PRRT4: variants seen among roughly 807,000 people sequenced by gnomAD.
The protein encoded by PRRT4 is proline rich transmembrane protein 4.
In PRRT4, 59 loss-of-function variants were observed where a neutral mutation model predicts 55.6. The observed-to-expected ratio is 1.06, with a 90% CI of 0.86 to 1.32. The LOEUF (loss-of-function observed/expected upper bound fraction) is 1.32. Among genes scored for constraint, PRRT4 ranks in the 40% most tolerant of loss-of-function variants. The pLI is 0.00. For missense variants in PRRT4, 1,217 were observed against 1,222.0 expected (o/e 1.00, Z 0.06); for synonymous variants, 606 against 601.8 (o/e 1.01, Z -0.10).
intron 4 of PRRT4, among the ~76,000 whole-genome samples, chr7:128,354,142 G>A (rs1396418962): frequency 6.6e-6 from 1 of 152,174 alleles, no homozygotes; most frequent in East Asian, 1.9e-4. Flanking sequence ...AATGTGAGAG[G>A]AGGGTGCCTG....
rs1376998888 is a variant in PRRT4, at chr7:128,350,962, G to C, written c.2594C>G (p.Pro865Arg). Residue 865 changes from proline to arginine, a missense_variant, in exon 5 of 5, where the codon CCT (proline) becomes CGT (arginine). Pro to Arg is a moderately radical substitution (Grantham distance 103). Transcript: ENST00000535159. Reference sequence around the variant, plus strand: ...CTCCTCGGCCTGCAGCTCAGAAGCAGGCTCTGGGGAGTCGCGAGAGGGTGG... The same window carrying C: ...CTCCTCGGCCTGCAGCTCAGAAGCACGCTCTGGGGAGTCGCGAGAGGGTGG... The C allele has an allele frequency of 4.5e-6, 7 of 1,550,728 alleles. No individual in the cohort carries two copies. In the East Asian group the frequency reaches 1.7e-4, roughly 38 times the overall value.
At position 128,358,730 on chromosome 7, in the gene PRRT4, C is replaced by T; in HGVS notation, c.828G>A (p.Leu276=). The T allele has an allele frequency of 6.4e-7, 1 of 1,551,706 alleles. No individual in the cohort carries two copies. The highest frequency in any genetic ancestry group is 1.2e-5 in the South Asian group (1 of 84,064). ...CAAAACTTAGGGAAGCAGCTGGGTC[C>T]AGAGGACTTGGGCTGGAGAGCTTCC... Residue 276 remains leucine, a synonymous_variant, in exon 4 of 5, where the codon CTG becomes CTA. Transcript: ENST00000535159. The surrounding 1 kb of genome is among the most constrained non-coding windows in gnomAD (Gnocchi z 4.4).
At chr7:128,360,405 G>C (rs1230997081) in intron 1 of PRRT4, among the ~76,000 whole-genome samples, 1 of 152,130 alleles carries the variant, frequency 6.6e-6, no homozygotes, top group Non-Finnish European at 1.5e-5. Context: ...TGAGCCTCAA[G>C]TCTTTACGCA....
chr7:128,352,938 C>T (rs1797032837), intron 4 of PRRT4, among the ~76,000 whole-genome samples: 2 of 151,974 alleles, frequency 1.3e-5, no homozygotes, highest in Non-Finnish European at 2.9e-5. Flanking sequence ...CCCCCCAGCT[C>T]CCTGCTTGGC....
chr7:128,353,956 C>T (rs1584681974), intron 4 of PRRT4, among the ~76,000 whole-genome samples: 1 of 152,164 alleles, frequency 6.6e-6, no homozygotes, highest in Admixed American at 6.5e-5. Flanking sequence ...GAGTTAGACT[C>T]AAGGATTCTC....
chr7:128,358,553 G>T lies in PRRT4; in HGVS notation c.877+128C>A. The T allele has an allele frequency of 1.2e-6, 1 of 847,026 alleles. No homozygotes were observed. The highest frequency in any genetic ancestry group is 1.9e-6 in the Non-Finnish European group (1 of 536,648). The allele number at this position is 847,026 out of a possible 1,614,324, so 52.5% of individuals were successfully genotyped here. A position where few individuals can be genotyped will look rare whatever the true frequency, so the allele number is the denominator to read the frequency against. ...CATTCATATATATCTCCACGGTGAT[G>T]ATGAAGAGAATGATGATTATGATTA... On this transcript the variant is annotated intron_variant, in intron 4 of 4. Transcript: ENST00000535159. This position sits in a 1 kb window ranked among gnomAD's most constrained non-coding sequence, Gnocchi z 4.4.
At chr7:128,361,583 GCTCCGCA>G (rs1255434799) in exon 1 of PRRT4, 4 of 152,130 alleles carry the variant, frequency 2.6e-5, no homozygotes, top group Admixed American at 6.6e-5. Context: ...CAGGCCCCGC[GCTCCGCA>G]CTCCGCACTC....
chr7:128,352,106 C>G (rs1796996286), exon 5 of PRRT4: 1 of 1,148,398 alleles, frequency 8.7e-7, no homozygotes, highest in African/African-American at 1.6e-5. Flanking sequence ...GCGGCGCTCC[C>G]GAGGGCGGCG....
In PRRT4 at chr7:128,359,985, T is replaced by TG; in HGVS notation, c.6dup (p.Arg3GlnfsTer42). The TG allele has an allele frequency of 3.8e-6, 5 of 1,314,418 alleles. No individual in the cohort carries two copies. Among genetic ancestry groups the TG allele is most frequent in the Non-Finnish European group, 4.9e-6 (5 of 1,022,924 alleles). The allele number at this position is 1,314,418 out of a possible 1,614,324, so 81.4% of individuals were successfully genotyped here. On this transcript the variant is annotated frameshift_variant, in exon 2 of 5. Transcript: ENST00000535159. LOFTEE classifies it high-confidence loss of function. ...AGTCCCAGCCCTAGACAGCCATGCC[T>TG]GGCCATGGCCCCACCTGGCTTCGGG...
chr7:128,359,666 G>A (rs1391804406), exon 2 of PRRT4: 69 of 1,550,714 alleles, frequency 4.4e-5, no homozygotes, highest in Non-Finnish European at 6.0e-5. Context: ...CTCAGTGAGA[G>A]AGTTCCCTGA....
downstream of PRRT4, chr7:128,350,695 G>T: frequency 1.8e-6 from 2 of 1,128,974 alleles, no homozygotes; most frequent in Non-Finnish European, 2.5e-6. Context: ...AATCGATAGA[G>T]CCTGGCTGCT....
At chr7:128,350,830 C>A (rs761279292), downstream of PRRT4, 7 of 1,547,716 alleles carry the variant, frequency 4.5e-6, no homozygotes, top group South Asian at 8.3e-5. Context: ...AGGGGCATAT[C>A]GCAGGGTAGC....
chr7:128,359,476 G>C lies in PRRT4; in HGVS notation c.516C>G (p.His172Gln). The change falls in exon 2 of 5, where the codon CAC becomes CAG. Residue 172 changes from histidine (H) to glutamine (Q), a missense_variant. Transcript: ENST00000535159. Reference sequence around the variant, plus strand: ...CAAACTTCAGCTCCAGCTCGCTCTGGTGGGGCCTGGGAGCACTGGATGGAA... The same window carrying C: ...CAAACTTCAGCTCCAGCTCGCTCTGCTGGGGCCTGGGAGCACTGGATGGAA... 2.0e-6 allele frequency: 3 copies of C among 1,463,418 alleles called. No homozygotes were observed. The South Asian group carries it at 4.4e-5, about 21-fold the overall frequency. 90.7% of individuals were successfully genotyped at this position (1,463,418 alleles called of 1,614,324 possible). A position where few individuals can be genotyped will look rare whatever the true frequency, so the allele number is the denominator to read the frequency against.
exon 3 of PRRT4, chr7:128,359,174 A>G (rs1797178428): frequency 6.4e-7 from 1 of 1,551,684 alleles, no homozygotes; most frequent in Non-Finnish European, 8.7e-7. Flanking sequence ...CTCCAGAGGC[A>G]GAGCTTGTGG....
At chr7:128,350,854 C>T, downstream of PRRT4, 5 of 1,550,812 alleles carry the variant, frequency 3.2e-6, no homozygotes, top group South Asian at 1.2e-5. Flanking sequence ...GTGGCCACCT[C>T]TTCACAGGTC....
At chr7:128,360,885 G>A (rs1018931607) in intron 1 of PRRT4, among the ~76,000 whole-genome samples, 1 of 151,764 alleles carries the variant, frequency 6.6e-6, no homozygotes, top group African/African-American at 2.4e-5. Context: ...GTGAGCCAGG[G>A]ACACACATGC....
chr7:128,357,929 G>C (rs1797150966), intron 4 of PRRT4, among the ~76,000 whole-genome samples: 1 of 152,222 alleles, frequency 6.6e-6, no homozygotes, highest in Non-Finnish European at 1.5e-5. Flanking sequence ...TTGGGATGCA[G>C]TGGGGGACAG....
exon 5 of PRRT4, chr7:128,352,472 C>T: frequency 6.5e-7 from 1 of 1,539,970 alleles, no homozygotes. Context: ...GCCTCCCAGG[C>T]CAGCCCCCAG....
At chr7:128,361,580 C>G (rs1282368204) in exon 1 of PRRT4, 3 of 152,462 alleles carry the variant, frequency 2.0e-5, no homozygotes, top group Admixed American at 1.3e-4. Flanking sequence ...GGCCAGGCCC[C>G]GCGCTCCGCA....
Sources: gnomAD v4.1 joint callset for allele counts (sites outside exome capture counted in the v4.1 genomes callset) on GRCh38, gnomAD v4.1.1 for gene constraint, Gnocchi (gnomAD v3.1) non-coding constraint, MANE v1.5 for transcripts, NCBI Gene and HGNC (gene_info 2026-07-23, HGNC 2026-07-21) for gene names.